The following STX6 variants were observed in gnomAD, a reference collection of about 807,000 sequenced individuals.
STX6 encodes the protein syntaxin-6.
Under a neutral mutation model 38.0 loss-of-function variants are expected in STX6, and 23 were observed. That is an observed-to-expected ratio of 0.60 (90% CI 0.43 to 0.86). The LOEUF is 0.86. Ranked by LOEUF, STX6 falls within the 40% of genes least tolerant of loss-of-function variation. The pLI is 0.00. For synonymous variants in STX6, 123 were observed against 107.5 expected, an observed-to-expected ratio of 1.14 and a Z score of -0.89; for missense variants, 274 against 312.9, an observed-to-expected ratio of 0.88 and a Z score of 0.94.
intron 7 of STX6, among the ~76,000 whole-genome samples, chr1:180,977,923 A>T (rs1188861875): frequency 2.6e-5 from 4 of 152,204 alleles, no homozygotes; most frequent in African/African-American, 9.7e-5. Context: ...AGTGGTGATC[A>T]CCTTGGTCTA....
intron 1 of STX6, among the ~76,000 whole-genome samples, chr1:181,006,537 G>T (rs1656229014): frequency 6.6e-6 from 1 of 151,758 alleles, no homozygotes; most frequent in Non-Finnish European, 1.5e-5. Context: ...AAGCCAAAAA[G>T]GAGTCATTTT....
chr1:181,022,448 C>T (rs1323728876), intron 1 of STX6, among the ~76,000 whole-genome samples, 191 bp downstream of exon 1: 4 of 152,182 alleles, frequency 2.6e-5, no homozygotes, highest in Non-Finnish European at 5.9e-5. Flanking sequence ...ACAGTGGCTT[C>T]ACGGTCCAGG....
At chr1:180,992,172 C>A (rs1655774239) in intron 4 of STX6, among the ~76,000 whole-genome samples, 1 of 151,906 alleles carries the variant, frequency 6.6e-6, no homozygotes, top group African/African-American at 2.4e-5. Flanking sequence ...AGAGAGGGAG[C>A]CAGATGGAAT....
intron 1 of STX6, among the ~76,000 whole-genome samples, chr1:181,007,550 T>C (rs866056717): frequency 2.3e-4 from 35 of 152,346 alleles, no homozygotes; most frequent in African/African-American, 7.7e-4. Context: ...ATATCAATTC[T>C]GTAAAGTAAA....
At chr1:181,020,397 G>C (rs1056667224) in intron 1 of STX6, among the ~76,000 whole-genome samples, 7 of 152,132 alleles carry the variant, frequency 4.6e-5, no homozygotes, top group Non-Finnish European at 8.8e-5. Flanking sequence ...GAATGTATTA[G>C]AGATTACATT....
At chr1:180,991,029 C>A (rs1655742719) in intron 4 of STX6, among the ~76,000 whole-genome samples, 1 of 152,128 alleles carries the variant, frequency 6.6e-6, no homozygotes, top group South Asian at 2.1e-4. Context: ...TGTAGAGTTG[C>A]CAAATTTTCC....
chr1:180,981,094 A>C (rs1178563223), intron 7 of STX6, among the ~76,000 whole-genome samples: 1 of 152,226 alleles, frequency 6.6e-6, no homozygotes, highest in Non-Finnish European at 1.5e-5. Context: ...TGCTACAATG[A>C]TGGATACATG....
intron 6 of STX6, among the ~76,000 whole-genome samples, chr1:180,986,204 A>G (rs1046944839): frequency 1.2e-4 from 18 of 152,226 alleles, no homozygotes; most frequent in Non-Finnish European, 1.8e-4. Context: ...AATCTATCTC[A>G]GTACCATCCA....
intron 1 of STX6, among the ~76,000 whole-genome samples, chr1:181,019,740 C>A (rs1047659355): frequency 6.6e-6 from 1 of 152,146 alleles, no homozygotes; most frequent in Non-Finnish European, 1.5e-5. Context: ...CTGTCCAACA[C>A]GGAAGCCACA....
chr1:181,019,425 G>A (rs980416366), intron 1 of STX6, among the ~76,000 whole-genome samples: 1 of 152,066 alleles, frequency 6.6e-6, no homozygotes, highest in Admixed American at 6.5e-5. Flanking sequence ...AGAGGAAGAG[G>A]TCCAATAATT....
chr1:181,021,618 T>G (rs1481640703), intron 1 of STX6, among the ~76,000 whole-genome samples: 1 of 152,232 alleles, frequency 6.6e-6, no homozygotes, highest in Non-Finnish European at 1.5e-5. Flanking sequence ...TTTCAGATTT[T>G]TCATGTTTGA....
At chr1:180,993,455 G>A (rs766228631) in intron 3 of STX6, 30 bp from the exon 4 acceptor site, 2 of 1,339,226 alleles carry the variant, frequency 1.5e-6, no homozygotes, top group South Asian at 2.5e-5. Flanking sequence ...GAAAACAAAT[G>A]AAAAATATCC....
rs559907973 is a variant in STX6 at position 180,983,477 on chromosome 1, T to C, written c.691+1200A>G. Among the ~76,000 whole-genome samples the C allele has an allele frequency of 4.6e-5, 7 of 152,358 alleles. No individual in the cohort carries two copies. The South Asian group carries it at 8.3e-4, about 18-fold the overall frequency. ...AAAATTTAAAATATATTATTTCCCA[T>C]GTAAAGAGTCACTGGAACATATCTT... On this transcript the variant is annotated intron_variant, in intron 7 of 7. Coordinates refer to ENST00000258301, the MANE Select transcript of STX6 (RefSeq NM_005819.6).
intron 1 of STX6, among the ~76,000 whole-genome samples, chr1:181,018,057 A>C (rs1159021750): frequency 1.3e-5 from 2 of 152,176 alleles, no homozygotes; most frequent in Admixed American, 6.5e-5. Flanking sequence ...TGCCACCCAG[A>C]AGTCTGAAGG....
At chr1:181,018,536 T>G (rs1056952603) in intron 1 of STX6, among the ~76,000 whole-genome samples, 1 of 151,512 alleles carries the variant, frequency 6.6e-6, no homozygotes, top group African/African-American at 2.4e-5. Flanking sequence ...CGTACAAGCT[T>G]ATAAAGTTGA....
chr1:181,001,731 A>T (rs1182263453), intron 3 of STX6, among the ~76,000 whole-genome samples: 1 of 152,252 alleles, frequency 6.6e-6, no homozygotes, highest in African/African-American at 2.4e-5. Context: ...TTTGTTCGTC[A>T]AGAAATAGAG....
intron 1 of STX6, among the ~76,000 whole-genome samples, chr1:181,022,087 C>T (rs542564369): frequency 2.6e-5 from 4 of 152,214 alleles, no homozygotes; most frequent in African/African-American, 9.6e-5. Flanking sequence ...CCCAGCCTCC[C>T]AGAACGGCCC....
In STX6 at chr1:180,995,497, G is replaced by A. The variant is rs558674006; in HGVS notation, c.301-2072C>T. ...ATTCTGACAGTCAATCCAACAGCCC[G>A]ATTTATTTAATATTATTAAAAACTA... is the stretch of plus-strand genomic sequence containing the variant. On this transcript the variant is annotated intron_variant, in intron 3 of 7. Coordinates refer to ENST00000258301, the MANE Select transcript of STX6 (RefSeq NM_005819.6). Among the ~76,000 whole-genome samples, 8 of 152,222 alleles carry A rather than the reference G, an allele frequency of 5.3e-5. No individual in the cohort carries two copies. In the South Asian group the frequency reaches 1.5e-3, roughly 28 times the overall value.
intron 2 of STX6, among the ~76,000 whole-genome samples, chr1:181,004,954 A>G (rs1013814077): frequency 6.6e-6 from 1 of 151,256 alleles, no homozygotes; most frequent in Non-Finnish European, 1.5e-5. Flanking sequence ...TTAAAAAAAA[A>G]AGAAAAAAAG....
Sources: allele counts gnomAD v4.1 joint callset (sites outside exome capture counted in the v4.1 genomes callset), GRCh38; gene constraint gnomAD v4.1.1; transcripts MANE v1.5; gene names NCBI Gene and HGNC (gene_info 2026-07-23, HGNC 2026-07-21).